Variants in RAD52 observed in about 807,000 individuals in gnomAD.
RAD52 encodes the protein RAD52 DNA repair protein, also known as DNA repair protein RAD52 homolog.
Under a neutral mutation model 55.5 loss-of-function variants are expected in RAD52, and 47 were observed. The observed-to-expected ratio is 0.85, with a 90% CI of 0.67 to 1.08. RAD52 has a LOEUF of 1.08. RAD52 is among the 50% of genes least tolerant of loss of function. The pLI is 0.00. For synonymous variants in RAD52, 184 were observed against 198.9 expected, an observed-to-expected ratio of 0.92 and a Z score of 0.63; for missense variants, 468 against 522.8, an observed-to-expected ratio of 0.90 and a Z score of 1.02.
intron 9 of RAD52, among the ~76,000 whole-genome samples, chr12:915,863 C>T (rs1956340783): frequency 6.6e-6 from 1 of 152,136 alleles, no homozygotes; most frequent in Non-Finnish European, 1.5e-5. Context: ...CACAGGCATG[C>T]ACCACCACAC....
intron 1 of RAD52, 58 bp from the exon 2 acceptor site, chr12:933,134 G>T: frequency 8.1e-7 from 1 of 1,234,754 alleles, no homozygotes; most frequent in South Asian, 1.3e-5. Context: ...TAAAGTAAAA[G>T]GCAAGAGCCT....
intron 1 of RAD52, among the ~76,000 whole-genome samples, chr12:955,416 C>T (rs946885802): frequency 6.6e-6 from 1 of 152,090 alleles, no homozygotes; most frequent in Non-Finnish European, 1.5e-5. Context: ...ATGACCCCAA[C>T]CCATTATCTT....
intron 1 of RAD52, among the ~76,000 whole-genome samples, chr12:966,746 T>C (rs566639488): frequency 2.4e-4 from 37 of 152,060 alleles, no homozygotes; most frequent in Non-Finnish European, 5.3e-4. Flanking sequence ...GGATCTGTCC[T>C]AGGAGCTCAA....
intron 1 of RAD52, among the ~76,000 whole-genome samples, chr12:964,037 G>C (rs892276495): frequency 7.2e-5 from 11 of 152,096 alleles, no homozygotes; most frequent in African/African-American, 2.7e-4. Context: ...AGTGTCGGAG[G>C]TACAACATGA....
intron 1 of RAD52, among the ~76,000 whole-genome samples, chr12:964,497 A>G (rs1326067395): frequency 1.3e-5 from 2 of 151,956 alleles, no homozygotes; most frequent in African/African-American, 4.8e-5. Context: ...GAACCCAGGA[A>G]GTGGAGGTGG....
intron 1 of RAD52, chr12:976,618 T>A (rs1239401302): frequency 2.0e-5 from 3 of 152,304 alleles, no homozygotes; most frequent in East Asian, 3.9e-4. Context: ...ACTTGGATAC[T>A]CCAGATGAGT....
intron 7 of RAD52, among the ~76,000 whole-genome samples, chr12:922,191 TAAAAA>T (rs79763100): frequency 2.7e-4 from 22 of 81,678 alleles, no homozygotes; most frequent in African/African-American, 1.1e-3. Context: ...TAGGTTGGCT[TAAAAA>T]AAAAAAAAAA....
chr12:972,271 C>T (rs1958869789), intron 1 of RAD52, among the ~76,000 whole-genome samples: 1 of 152,090 alleles, frequency 6.6e-6, no homozygotes, highest in Non-Finnish European at 1.5e-5. Flanking sequence ...GCATAGTACA[C>T]ACACACATAT....
At chr12:921,959 A>T (rs1465582231) in intron 7 of RAD52, among the ~76,000 whole-genome samples, 1 of 151,808 alleles carries the variant, frequency 6.6e-6, no homozygotes, top group African/African-American at 2.4e-5. Context: ...TACAAAAATT[A>T]GCCCGGCATG....
At chr12:989,355 T>TA (rs910131427) in intron 1 of RAD52, among the ~76,000 whole-genome samples, 7 of 151,658 alleles carry the variant, frequency 4.6e-5, no homozygotes, top group East Asian at 1.9e-4. Flanking sequence ...GCATGTCAAA[T>TA]AAAAAAAAAT....
chr12:918,570 T>A (rs1565651715), intron 7 of RAD52, among the ~76,000 whole-genome samples: 1 of 151,846 alleles, frequency 6.6e-6, no homozygotes, highest in Non-Finnish European at 1.5e-5. Flanking sequence ...TAATTTTTAT[T>A]TTTATTTTTA....
intron 1 of RAD52, among the ~76,000 whole-genome samples, chr12:934,114 A>C (rs1258049915): frequency 2.6e-5 from 4 of 151,104 alleles, no homozygotes; most frequent in East Asian, 1.9e-4. Context: ...AAAAAAAAAA[A>C]AAAACAAAAA....
rs1383173052 is a variant in RAD52, at chr12:916,896, C to T, written c.544-76G>A. Reference sequence around the variant, plus strand: ...CTGCTTCTCCCTGACTCACAGATTGCGATTCCTGGAAAATCGCATTTGACA... The same window carrying T: ...CTGCTTCTCCCTGACTCACAGATTGTGATTCCTGGAAAATCGCATTTGACA... On this transcript the variant is annotated intron_variant, in intron 7 of 11. Transcript: ENST00000358495. The T allele has an allele frequency of 7.8e-6, 12 of 1,533,020 alleles. No homozygotes were observed. The Admixed American group carries it at 1.7e-4, about 22-fold the overall frequency. 95.0% of individuals were successfully genotyped at this position (1,533,020 alleles called of 1,614,324 possible).
intron 1 of RAD52, among the ~76,000 whole-genome samples, chr12:938,042 G>C (rs887403797): frequency 2.6e-5 from 4 of 152,036 alleles, no homozygotes; most frequent in African/African-American, 9.7e-5. Context: ...TTCCTTTCCT[G>C]TCTCCCTTCC....
rs377055100 is a variant in RAD52 at position 916,468 on chromosome 12, G to C, written c.741C>G (p.Ser247=). The C allele has an allele frequency of 6.2e-7, 1 of 1,607,504 alleles. No individual in the cohort carries two copies. Among genetic ancestry groups the C allele is most frequent in the East Asian group, 2.2e-5 (1 of 44,798 alleles). The change falls in exon 9 of 12, where the codon TCC becomes TCG. Residue 247 remains serine, a synonymous_variant. Transcript: ENST00000358495. ...GGTGCGTGGCCTCGCTCTCCACGGC[G>C]GATGAGCTCAGGCTTCTGCATGAGA... is the stretch of plus-strand genomic sequence containing the variant. ...QDCSSRSLSS[S]AVESEATHQR...
At chr12:926,705 A>G in intron 6 of RAD52, 1 of 1,313,788 alleles carries the variant, frequency 7.6e-7, no homozygotes, top group East Asian at 2.5e-5. Flanking sequence ...CTTTATTTAT[A>G]AATTACCCAG....
intron 1 of RAD52, among the ~76,000 whole-genome samples, chr12:988,752 C>T (rs1233649741): frequency 6.6e-6 from 1 of 152,178 alleles, no homozygotes; most frequent in African/African-American, 2.4e-5. Flanking sequence ...ATCCATTCTC[C>T]TGATAACCAA....
Position 968,825 on chromosome 12 carries a change from A to G in RAD52, c.-19+20984T>C, listed in dbSNP as rs147979894. On this transcript the variant is annotated intron_variant, in intron 1 of 11. Coordinates refer to the RAD52 transcript ENST00000430095. ...CAATAAGGCAAGGAGCTTGTCTACT[A>G]TATCCCCAGGATCGTGAACTATGCT... 1.5e-4 allele frequency among the ~76,000 whole-genome samples: 23 copies of G among 152,184 alleles called. 1 individual carries two copies. Among genetic ancestry groups the G allele is most frequent in the African/African-American group, 5.5e-4 (23 of 41,460 alleles).
chr12:951,661 T>C (rs1033234115), upstream of RAD52, among the ~76,000 whole-genome samples: 1 of 152,222 alleles, frequency 6.6e-6, no homozygotes, highest in African/African-American at 2.4e-5. Flanking sequence ...CTCATGGTTT[T>C]ATTAATTACT....
Sources: gnomAD v4.1 joint callset for allele counts (sites outside exome capture counted in the v4.1 genomes callset) on GRCh38, gnomAD v4.1.1 for gene constraint, MANE v1.5 for transcripts, NCBI Gene and HGNC (gene_info 2026-07-23, HGNC 2026-07-21) for gene names.